CTRB1: variants seen among roughly 807,000 people sequenced by gnomAD.
CTRB1 encodes the protein chymotrypsinogen B1.
A neutral mutation model predicts 20.4 loss-of-function variants in CTRB1; 15 were observed. The ratio of observed to expected loss-of-function variants is 0.74; its 90% CI spans 0.49 to 1.13. The LOEUF (loss-of-function observed/expected upper bound fraction) is 1.13. Ranked by LOEUF, CTRB1 falls within the 50% of genes most tolerant of loss-of-function variation. The pLI, the probability that CTRB1 is intolerant of heterozygous loss-of-function variation, is 0.00. For synonymous variants in CTRB1, 92 were observed against 128.4 expected (o/e 0.72, Z 1.92); for missense variants, 227 against 290.1 (o/e 0.78, Z 1.58).
chr16:75,219,561 T>G (rs1229700740), intron 1 of CTRB1, among the ~76,000 whole-genome samples: 1 of 152,086 alleles, frequency 6.6e-6, no homozygotes, highest in Non-Finnish European at 1.5e-5. Flanking sequence ...CTGGCTAATT[T>G]TTAGTAGAGA....
In CTRB1 at chr16:75,221,110, C is replaced by A. The variant is rs552033879; in HGVS notation, c.53-1658C>A. Among the ~76,000 whole-genome samples, 3 of 152,250 alleles carry A rather than the reference C, an allele frequency of 2.0e-5. No homozygotes were observed. In the South Asian group the frequency reaches 6.2e-4, roughly 32 times the overall value. ...CCTTGCCTGCCTGTGTTCCTGTGGG[C>A]AGGAGACGCAGGGGCTGCCTTGTAA... is the stretch of plus-strand genomic sequence containing the variant. On this transcript the variant is annotated intron_variant, in intron 1 of 6. Coordinates refer to ENST00000361017, the MANE Select transcript of CTRB1 (RefSeq NM_001906.6).
intron 6 of CTRB1, among the ~76,000 whole-genome samples, chr16:75,224,486 G>C (rs1017955490): frequency 2.0e-5 from 3 of 152,214 alleles, no homozygotes; most frequent in Non-Finnish European, 4.4e-5. Flanking sequence ...GCTTTACTGA[G>C]CTGCCATTAA....
chr16:75,222,588 C>T (rs188722043), intron 1 of CTRB1, 180 bp from the exon 2 acceptor site: 45 of 649,028 alleles, frequency 6.9e-5, no homozygotes, highest in South Asian at 4.8e-4. Flanking sequence ...GCCAGCAGGC[C>T]GAGAGTTGGG....
At chr16:75,224,617 G>C (rs942022622) in intron 6 of CTRB1, 88 bp from the exon 7 acceptor site, 1 of 1,435,808 alleles carries the variant, frequency 7.0e-7, no homozygotes, top group African/African-American at 1.4e-5. Context: ...TGGGGTCCTG[G>C]ACTGGACTCT....
At position 75,219,066 on chromosome 16, in the gene CTRB1, G is replaced by A; in HGVS notation, c.52+7G>A. 1 of 1,585,030 alleles carries A rather than the reference G, an allele frequency of 6.3e-7. No individual in the cohort carries two copies. Among genetic ancestry groups the A allele is most frequent in the South Asian group, 1.2e-5 (1 of 86,910 alleles). The stretch of plus-strand genomic sequence containing the variant: ...CTTGTGGGGGCCGCCTTTGGTGAGT[G>A]CTGGTGCCCGAGGGGTCTGTCCTGA... On this transcript the variant is annotated splice_region_variant and intron_variant, in intron 1 of 6. Coordinates refer to ENST00000361017, the MANE Select transcript of CTRB1 (RefSeq NM_001906.6).
chr16:75,224,035 A>C lies in CTRB1; in HGVS notation c.497-20A>C. 1.1e-6 allele frequency: 1 copy of C among 912,976 alleles called. No homozygotes were observed. Among genetic ancestry groups the C allele is most frequent in the Non-Finnish European group, 1.6e-6 (1 of 625,482 alleles). 56.6% of individuals were successfully genotyped at this position (912,976 alleles called of 1,614,324 possible). On this transcript the variant is annotated intron_variant, in intron 5 of 6. Transcript: ENST00000361017. ...TGGCTGAGTGAGCCCAGGGGCCCTG[A>C]CCCTCCTCCTGTCCTGCAGCCAACA...
chr16:75,220,498 G>A (rs913799009), intron 1 of CTRB1, among the ~76,000 whole-genome samples: 3 of 152,116 alleles, frequency 2.0e-5, no homozygotes, highest in Non-Finnish European at 4.4e-5. Context: ...GTCTTATTAT[G>A]TTGTCCAGGC....
In CTRB1 at chr16:75,224,137, G is replaced by A. The variant is rs2076714764; in HGVS notation, c.579G>A (p.Arg193=). ...AATGCAAGAAGTCCTGGGGCAGGAGGATCACCGACGTGATGATCTGTGCCG... is the reference window on the plus strand; with the variant it reads ...AATGCAAGAAGTCCTGGGGCAGGAGAATCACCGACGTGATGATCTGTGCCG... ...NAECKKSWGR[R]ITDVMICAGA... The change falls in exon 6 of 7, where the codon AGG becomes AGA. Residue 193 remains arginine, a synonymous_variant. Transcript: ENST00000361017. 1.2e-5 allele frequency: 17 copies of A among 1,460,164 alleles called. No individual in the cohort carries two copies. Among genetic ancestry groups the A allele is most frequent in the Non-Finnish European group, 1.5e-5 (16 of 1,076,854 alleles). The allele number at this position is 1,460,164 out of a possible 1,614,324, so 90.5% of individuals were successfully genotyped here. A position where few individuals can be genotyped will look rare whatever the true frequency, so the allele number is the denominator to read the frequency against.
At chr16:75,224,628 G>T in intron 6 of CTRB1, 77 bp from the exon 7 acceptor site, 2 of 1,493,416 alleles carry the variant, frequency 1.3e-6, no homozygotes, top group Non-Finnish European at 1.8e-6. Context: ...ACTGGACTCT[G>T]GGAACAATGT....
At position 75,223,486 on chromosome 16, in the gene CTRB1, CA is replaced by C; in HGVS notation, c.356del (p.Asn119MetfsTer6). On this transcript the variant is annotated frameshift_variant, in exon 5 of 7. Transcript: ENST00000361017. LOFTEE classifies it high-confidence loss of function. ...NPKFSILTVN[N>X]DITLLKLATP... The stretch of plus-strand genomic sequence containing the variant: ...CCAAGTTCAGCATTCTGACCGTGAA[CA>C]ATGACATCACCCTGCTGAAGCTGGC... 1.3e-6 allele frequency: 1 copy of C among 750,808 alleles called. No individual in the cohort carries two copies. The allele number at this position is 750,808 out of a possible 1,614,324, so 46.5% of individuals were successfully genotyped here. A position where few individuals can be genotyped will look rare whatever the true frequency, so the allele number is the denominator to read the frequency against.
intron 1 of CTRB1, among the ~76,000 whole-genome samples, chr16:75,219,349 GT>G (rs1310679341): frequency 1.3e-5 from 2 of 152,018 alleles, no homozygotes; most frequent in Non-Finnish European, 2.9e-5. Context: ...CTCCACCGGG[GT>G]TTTTATTGTG....
intron 1 of CTRB1, among the ~76,000 whole-genome samples, chr16:75,221,181 C>T (rs11362737): frequency 0.72 from 108,652 of 151,740 alleles, 39,243 homozygotes; most frequent in East Asian, 0.97. Context: ...CTGAGGGACG[C>T]GGGTGTGCTC....
chr16:75,220,570 C>T (rs1253012438), intron 1 of CTRB1, among the ~76,000 whole-genome samples: 1 of 152,146 alleles, frequency 6.6e-6, no homozygotes, highest in Non-Finnish European at 1.5e-5. Flanking sequence ...TGCTGGATTA[C>T]AGGTGTGAGC....
At chr16:75,222,596 G>A (rs1450257737) in intron 1 of CTRB1, 172 bp from the exon 2 acceptor site, 1 of 672,676 alleles carries the variant, frequency 1.5e-6, no homozygotes, top group East Asian at 2.8e-5. Context: ...GCCGAGAGTT[G>A]GGAACGTTTG....
At position 75,224,885 on chromosome 16, in the gene CTRB1, C is replaced by A. The variant is rs970378006; in HGVS notation, c.*19C>A. The A allele has an allele frequency of 3.1e-6, 5 of 1,612,672 alleles. No individual in the cohort carries two copies. The highest frequency in any genetic ancestry group is 4.2e-6 in the Non-Finnish European group (5 of 1,179,920). On this transcript the variant is annotated 3_prime_UTR_variant, in exon 7 of 7. Transcript: ENST00000361017. ...CAACTGAGCCCGCGGCTCCCTCCGA[C>A]CCTGCTCCCCACAGAGCCTCAGTAA...
At chr16:75,221,674 T>G (rs1225182922) in intron 1 of CTRB1, among the ~76,000 whole-genome samples, 1 of 151,996 alleles carries the variant, frequency 6.6e-6, no homozygotes, top group Non-Finnish European at 1.5e-5. Context: ...CCAGTTTTAT[T>G]AAATAAGAAA....
intron 1 of CTRB1, among the ~76,000 whole-genome samples, chr16:75,222,046 G>A (rs1395497432): frequency 1.5e-4 from 18 of 119,674 alleles, no homozygotes; most frequent in Non-Finnish European, 2.3e-4. Context: ...GGGCAACAGA[G>A]CAAGACTGTC....
Position 75,224,862 on chromosome 16 carries a change from A to C in CTRB1, c.788A>C (p.Asn263Thr). ...TGGGTGCAGAAGATCCTGGCTGCCA[A>C]CTGAGCCCGCGGCTCCCTCCGACCC... ...IPWVQKILAA[N>T] Residue 263 changes from asparagine (N) to threonine (T), a missense_variant, in exon 7 of 7, where the codon AAC becomes ACC. Asn to Thr is a moderately conservative substitution (Grantham distance 65). Transcript: ENST00000361017. 2 of 1,613,730 alleles carry C rather than the reference A, an allele frequency of 1.2e-6. No homozygotes were observed. Among genetic ancestry groups the C allele is most frequent in the South Asian group, 1.1e-5 (1 of 91,080 alleles).
chr16:75,224,513 G>A (rs1020527794), intron 6 of CTRB1, among the ~76,000 whole-genome samples, 192 bp from the exon 7 acceptor site: 1 of 152,192 alleles, frequency 6.6e-6, no homozygotes, highest in African/African-American at 2.4e-5. Flanking sequence ...CCATTCCAGG[G>A]CTGGCTCAGG....
Sources: allele counts gnomAD v4.1 joint callset (sites outside exome capture counted in the v4.1 genomes callset), GRCh38; gene constraint gnomAD v4.1.1; transcripts MANE v1.5; gene names NCBI Gene and HGNC (gene_info 2026-07-23, HGNC 2026-07-21).